Variants in PPP2R3A observed in about 807,000 individuals in gnomAD.
The protein encoded by PPP2R3A is protein phosphatase 2 regulatory subunit B''alpha, also known as serine/threonine-protein phosphatase 2A regulatory subunit B'' subunit alpha.
A neutral mutation model predicts 106.9 loss-of-function variants in PPP2R3A; 80 were observed. The ratio of observed to expected loss-of-function variants is 0.75; its 90% CI spans 0.62 to 0.90. PPP2R3A has a LOEUF of 0.90. Among genes scored for constraint, PPP2R3A ranks in the 40% least tolerant of loss-of-function variants. PPP2R3A has a pLI of 0.00. For missense variants in PPP2R3A, 1,386 were observed against 1,350.4 expected (o/e 1.03, Z -0.41); for synonymous variants, 483 against 468.3 (o/e 1.03, Z -0.41).
chr3:136,012,949 C>T (rs1934133697), intron 2 of PPP2R3A, among the ~76,000 whole-genome samples: 1 of 152,142 alleles, frequency 6.6e-6, no homozygotes, highest in East Asian at 1.9e-4. Flanking sequence ...TCACCCCCTT[C>T]CCACCCTTCC....
chr3:136,087,837 G>C, intron 8 of PPP2R3A, 46 bp from the exon 9 acceptor site: 2 of 1,479,320 alleles, frequency 1.4e-6, no homozygotes, highest in African/African-American at 1.4e-5. Context: ...CCTTTATGGA[G>C]CATGTTTCTA....
Position 136,027,076 on chromosome 3 carries a change from A to C in PPP2R3A, c.2240A>C (p.Tyr747Ser). The change falls in exon 3 of 14, where the codon TAT (tyrosine) becomes TCT (serine). Residue 747 changes from tyrosine to serine, a missense_variant. Coordinates refer to ENST00000264977, the MANE Select transcript of PPP2R3A (RefSeq NM_002718.5). Reference protein sequence around the residue: ...MDIEEQKADIYEMGKIAKVCG... With the variant: ...MDIEEQKADISEMGKIAKVCG... Reference sequence around the variant, plus strand: ...ATTGAAGAACAGAAAGCAGACATTTATGAAATGGGGAAAATTGCAAAGGTA... The same window carrying C: ...ATTGAAGAACAGAAAGCAGACATTTCTGAAATGGGGAAAATTGCAAAGGTA... 1 of 1,613,220 alleles carries C rather than the reference A, an allele frequency of 6.2e-7. No individual in the cohort carries two copies. The highest frequency in any genetic ancestry group is 8.5e-7 in the Non-Finnish European group (1 of 1,179,574).
Position 136,026,877 on chromosome 3 carries a change from C to T in PPP2R3A, c.2041C>T (p.Pro681Ser). Residue 681 changes from proline to serine, a missense_variant, in exon 3 of 14, where the codon CCA (proline) becomes TCA (serine). Transcript: ENST00000264977. ...EKKPGTPLPP[P>S]ATSPSSPRPL... ...GAAACCTGGAACACCACTCCCACCT[C>T]CAGCCACCTCTCCAAGTAGTCCCCG... 1 of 1,613,166 alleles carries T rather than the reference C, an allele frequency of 6.2e-7. No individual in the cohort carries two copies. The highest frequency in any genetic ancestry group is 8.5e-7 in the Non-Finnish European group (1 of 1,179,212).
In PPP2R3A at chr3:136,003,683, A is replaced by G. The variant is rs374128588; in HGVS notation, c.1995+190A>G. Among the ~76,000 whole-genome samples the G allele has an allele frequency of 2.9e-4, 44 of 152,296 alleles. 1 individual carries two copies. Among genetic ancestry groups the G allele is most frequent in the African/African-American group, 9.6e-4 (40 of 41,562 alleles). ...TATACAAGATGATAGAGGAAAAAAA[A>G]AAAGCAAAGACTTTAGACTCAGACT... On this transcript the variant is annotated intron_variant, in intron 2 of 13. Coordinates refer to ENST00000264977, the MANE Select transcript of PPP2R3A (RefSeq NM_002718.5).
chr3:136,129,549 C>T (rs1938319504), intron 13 of PPP2R3A, among the ~76,000 whole-genome samples: 1 of 152,094 alleles, frequency 6.6e-6, no homozygotes, highest in South Asian at 2.1e-4. Context: ...AAAAAAAGTC[C>T]AGGACCAGAC....
intron 1 of PPP2R3A, among the ~76,000 whole-genome samples, chr3:135,986,548 C>G (rs926802327): frequency 2.0e-5 from 3 of 152,032 alleles, no homozygotes; most frequent in Non-Finnish European, 2.9e-5. Flanking sequence ...AGTTTCATCT[C>G]CTATTTGATG....
At chr3:136,041,063 C>T in intron 4 of PPP2R3A, 101 bp downstream of exon 4, 1 of 897,648 alleles carries the variant, frequency 1.1e-6, no homozygotes, top group Non-Finnish European at 1.6e-6. Context: ...ATACATTTTC[C>T]CTTTACTCTT....
At chr3:136,031,582 C>T (rs557148209) in intron 3 of PPP2R3A, among the ~76,000 whole-genome samples, 1 of 152,266 alleles carries the variant, frequency 6.6e-6, no homozygotes, top group Non-Finnish European at 1.5e-5. Context: ...TTTGCCTAAG[C>T]CAATGTCTAG....
Position 136,068,098 on chromosome 3 carries a change from GT to G in PPP2R3A, c.2470-2378del, listed in dbSNP as rs761683881. ...AACGGCATGGTGGCACACACCTGTA[GT>G]TCCAGCTACTCAGGGGGCTGAGGAA... On this transcript the variant is annotated intron_variant, in intron 5 of 13. Coordinates refer to ENST00000264977, the MANE Select transcript of PPP2R3A (RefSeq NM_002718.5). Among the ~76,000 whole-genome samples, 74 of 151,620 alleles carry G rather than the reference GT, an allele frequency of 4.9e-4. 1 individual carries two copies. The highest frequency in any genetic ancestry group is 3.4e-3 in the Middle Eastern group (1 of 290).
intron 4 of PPP2R3A, among the ~76,000 whole-genome samples, chr3:136,047,226 A>G (rs777464340): frequency 1.3e-5 from 2 of 152,234 alleles, no homozygotes; most frequent in African/African-American, 4.8e-5. Context: ...GCTGAACTCC[A>G]TGGAGCAGTT....
chr3:135,992,556 T>C (rs1303911779), intron 1 of PPP2R3A, among the ~76,000 whole-genome samples: 1 of 152,186 alleles, frequency 6.6e-6, no homozygotes, highest in African/African-American at 2.4e-5. Context: ...TTCTATAATT[T>C]CCATCATTAC....
chr3:136,090,489 G>T, intron 9 of PPP2R3A, 89 bp from the exon 10 acceptor site: 1 of 1,068,936 alleles, frequency 9.4e-7, no homozygotes, highest in Non-Finnish European at 1.4e-6. Context: ...AATTTTAACT[G>T]ACATACTACT....
chr3:136,107,513 T>C (rs1005983724), intron 13 of PPP2R3A, among the ~76,000 whole-genome samples: 1 of 143,334 alleles, frequency 7.0e-6, no homozygotes. Context: ...TCCTGAGGCA[T>C]AGAGATAGAG....
rs529818331 is a variant in PPP2R3A at position 136,084,357 on chromosome 3, T to A, written c.2788+1936T>A. On this transcript the variant is annotated intron_variant, in intron 8 of 13. Transcript: ENST00000264977. ...TGGCGTCCACGTGGTGTTGGTTCTG[T>A]GGGTACACAGAAGTCAAGTATTGAG... 5.9e-5 allele frequency among the ~76,000 whole-genome samples: 9 copies of A among 152,292 alleles called. No individual in the cohort carries two copies. In the East Asian group the frequency reaches 1.7e-3, roughly 29 times the overall value.
rs766966085 is a variant in PPP2R3A, at chr3:136,003,451, T to C, written c.1953T>C (p.Thr651=). The change falls in exon 2 of 14, where the codon ACT becomes ACC. Residue 651 remains threonine (T), a synonymous_variant. Coordinates refer to ENST00000264977, the MANE Select transcript of PPP2R3A (RefSeq NM_002718.5). ...RSPVGDKAKD[T]TSAVLIQQTP... ...CTGTTGGTGATAAAGCCAAAGATAC[T>C]ACTTCAGCAGTTTTGATTCAGCAGA... 1 of 1,613,202 alleles carries C rather than the reference T, an allele frequency of 6.2e-7. No homozygotes were observed. The highest frequency in any genetic ancestry group is 1.3e-5 in the African/African-American group (1 of 74,850).
intron 1 of PPP2R3A, 21 bp downstream of exon 1, chr3:135,965,870 C>T (rs1378214580): frequency 6.6e-6 from 1 of 151,754 alleles, no homozygotes; most frequent in Non-Finnish European, 1.5e-5. Flanking sequence ...GAACACTGGC[C>T]GCACGGCCTG....
At chr3:136,062,686 C>G (rs558363363) in intron 5 of PPP2R3A, among the ~76,000 whole-genome samples, 1 of 148,912 alleles carries the variant, frequency 6.7e-6, no homozygotes, top group African/African-American at 2.5e-5. Context: ...CCACTGCACT[C>G]CAGCCTGGGT....
At chr3:136,017,985 GGC>G (rs1934336319) in intron 2 of PPP2R3A, among the ~76,000 whole-genome samples, 1 of 152,200 alleles carries the variant, frequency 6.6e-6, no homozygotes, top group Admixed American at 6.5e-5. Context: ...TAAAGGGCTA[GGC>G]CAGGCACAGT....
intron 1 of PPP2R3A, among the ~76,000 whole-genome samples, chr3:135,991,223 T>C (rs930207945): frequency 3.3e-5 from 5 of 152,170 alleles, no homozygotes; most frequent in African/African-American, 1.2e-4. Flanking sequence ...TGTTGAAGGG[T>C]ACCTGGCCTG....
Sources: allele counts gnomAD v4.1 joint callset (sites outside exome capture counted in the v4.1 genomes callset), GRCh38; gene constraint gnomAD v4.1.1; transcripts MANE v1.5; gene names NCBI Gene and HGNC (gene_info 2026-07-23, HGNC 2026-07-21).